The following RAD50 variants were observed in gnomAD, a reference collection of about 807,000 sequenced individuals.
RAD50 encodes RAD50 double strand break repair protein.
RAD50 carries 132 observed loss-of-function variants against 168.8 expected under a neutral mutation model. That is an observed-to-expected ratio of 0.78 (90% confidence interval 0.68 to 0.90). RAD50 has a LOEUF of 0.90. Ranked by LOEUF, RAD50 falls within the 40% of genes least tolerant of loss-of-function variation. The pLI, the probability that RAD50 is intolerant of heterozygous loss-of-function variation, is 0.00. For missense variants in RAD50, 1,347 were observed against 1,534.4 expected (o/e 0.88, Z 2.04); for synonymous variants, 525 against 497.4 (o/e 1.06, Z -0.74).
chr5:132,579,399 G>A lies in RAD50; in HGVS notation c.448G>A (p.Val150Met), dbSNP rs1580987224. Reference sequence around the variant, plus strand: ...CAGTTCTCTTGGGGTTTCCAAGGCTGTGCTAAATAATGTCATTTTCTGTCA... The same window carrying A: ...CAGTTCTCTTGGGGTTTCCAAGGCTATGCTAAATAATGTCATTTTCTGTCA... The part of the protein sequence containing the change: ...MISSLGVSKA[V>M]LNNVIFCHQE... The change falls in exon 4 of 25, where the codon GTG becomes ATG. Residue 150 changes from valine (V) to methionine (M), a missense_variant. By Grantham distance (21) the Val-to-Met change is conservative (BLOSUM62 1). This residue lies in a region of RAD50 where 703 missense variants were observed against 767.7 expected (regional missense o/e 0.92). Transcript: ENST00000378823. The A allele has an allele frequency of 1.9e-6, 3 of 1,613,830 alleles. No individual in the cohort carries two copies. Among genetic ancestry groups the A allele is most frequent in the Non-Finnish European group, 2.5e-6 (3 of 1,179,770 alleles).
chr5:132,575,051 G>T (rs543536251), intron 2 of RAD50, among the ~76,000 whole-genome samples: 1 of 152,164 alleles, frequency 6.6e-6, no homozygotes, highest in Admixed American at 6.5e-5. Context: ...TTCCAAAGTC[G>T]CTTTCACATT....
chr5:132,586,775 G>A (rs1426120152), intron 5 of RAD50, among the ~76,000 whole-genome samples: 1 of 152,034 alleles, frequency 6.6e-6, no homozygotes, highest in African/African-American at 2.4e-5. Context: ...GAGGTGGGAG[G>A]AACACTTGAG....
chr5:132,591,520 G>A (rs1750700036), intron 10 of RAD50, 114 bp downstream of exon 10: 3 of 1,034,426 alleles, frequency 2.9e-6, no homozygotes, highest in Non-Finnish European at 4.4e-6. Flanking sequence ...TATTTTAGAG[G>A]CTAAGTGAGC....
chr5:132,632,715 G>A (rs1447821958), intron 21 of RAD50, among the ~76,000 whole-genome samples: 4 of 152,168 alleles, frequency 2.6e-5, no homozygotes, highest in African/African-American at 9.7e-5. Context: ...TGGAGTTACT[G>A]GCTCAGATGT....
At chr5:132,557,573 C>A in intron 1 of RAD50, 120 bp downstream of exon 1, 1 of 1,421,782 alleles carries the variant, frequency 7.0e-7, no homozygotes, top group Non-Finnish European at 9.8e-7. Context: ...GGTGTAGGCC[C>A]TTAAAGTGCC....
intron 8 of RAD50, among the ~76,000 whole-genome samples, chr5:132,589,085 T>G (rs1041509599): frequency 6.6e-6 from 1 of 152,172 alleles, no homozygotes; most frequent in East Asian, 1.9e-4. Flanking sequence ...TAAACCTACA[T>G]TTTTTATTTG....
At chr5:132,634,343 C>CTT (rs145931809) in intron 21 of RAD50, among the ~76,000 whole-genome samples, 22 of 150,952 alleles carry the variant, frequency 1.5e-4, no homozygotes, top group African/African-American at 5.4e-4. Flanking sequence ...GAATAGGATC[C>CTT]TTTTTTTTTC....
chr5:132,602,766 C>T (rs908407973), intron 13 of RAD50, among the ~76,000 whole-genome samples: 3 of 152,072 alleles, frequency 2.0e-5, no homozygotes, highest in Non-Finnish European at 2.9e-5. Flanking sequence ...GCAGTTTTTC[C>T]ATCAATGCCT....
In RAD50 at chr5:132,609,174, AATTAT is replaced by A. The variant is rs1561647413; in HGVS notation, c.2891_2895del (p.Tyr964SerfsTer8). ...TCATGGCTATATGAAAGACATTGAG[AATTAT>A]ATTCAAGATGGGAAAGACGACTATA... On this transcript the variant is annotated frameshift_variant, in exon 18 of 25. Coordinates refer to ENST00000378823, the MANE Select transcript of RAD50 (RefSeq NM_005732.4). LOFTEE classifies it high-confidence loss of function. 6.2e-7 allele frequency: 1 copy of A among 1,611,818 alleles called. No individual in the cohort carries two copies. The highest frequency in any genetic ancestry group is 8.5e-7 in the Non-Finnish European group (1 of 1,178,894).
Position 132,591,470 on chromosome 5 carries a change from A to G in RAD50, c.1635+64A>G. 2.0e-6 allele frequency: 3 copies of G among 1,473,712 alleles called. No individual in the cohort carries two copies. In the South Asian group the frequency reaches 3.5e-5, roughly 17 times the overall value. The allele number at this position is 1,473,712 out of a possible 1,614,324, so 91.3% of individuals were successfully genotyped here. A position where few individuals can be genotyped will look rare whatever the true frequency, so the allele number is the denominator to read the frequency against. On this transcript the variant is annotated intron_variant, in intron 10 of 24. Coordinates refer to ENST00000378823, the MANE Select transcript of RAD50 (RefSeq NM_005732.4). ...ACTTAAAATAGCCTACCTTGCACTCATAAGTCATAGACTATAAGGTATTAA... is the reference window on the plus strand; with the variant it reads ...ACTTAAAATAGCCTACCTTGCACTCGTAAGTCATAGACTATAAGGTATTAA...
chr5:132,604,068 T>G (rs763635166), intron 15 of RAD50, 22 bp downstream of exon 15: 2 of 1,612,302 alleles, frequency 1.2e-6, no homozygotes, highest in African/African-American at 2.7e-5. Flanking sequence ...TGTGTCCTTC[T>G]GTACTCATAG....
intron 19 of RAD50, among the ~76,000 whole-genome samples, chr5:132,610,143 A>G (rs942983976): frequency 6.6e-6 from 1 of 151,992 alleles, no homozygotes; most frequent in African/African-American, 2.4e-5. Context: ...CAGATGTATC[A>G]CATTCTTTTT....
At chr5:132,564,711 A>G (rs928035956) in intron 2 of RAD50, among the ~76,000 whole-genome samples, 106 of 152,314 alleles carry the variant, frequency 7.0e-4, no homozygotes, top group Middle Eastern at 3.4e-3. Context: ...AATAGCCAAG[A>G]CACTGGGGAA....
intron 13 of RAD50, among the ~76,000 whole-genome samples, chr5:132,596,473 A>G (rs904316442): frequency 1.3e-5 from 2 of 152,374 alleles, no homozygotes; most frequent in Admixed American, 6.5e-5. Flanking sequence ...CTCCCAGAAG[A>G]CAGATTTTAA....
chr5:132,642,837 G>A lies in RAD50; in HGVS notation c.*473G>A, dbSNP rs1751760869. 1 of 363,242 alleles carries A rather than the reference G, an allele frequency of 2.8e-6. No individual in the cohort carries two copies. The highest frequency in any genetic ancestry group is 2.8e-5 in the South Asian group (1 of 35,372). The allele number at this position is 363,242 out of a possible 1,614,324, so 22.5% of individuals were successfully genotyped here. On this transcript the variant is annotated 3_prime_UTR_variant, in exon 25 of 25. Transcript: ENST00000378823. ...GATGACCAGAAATGGTGAGATGTATGTTTGGCTCTGCTTTTAACTTTATAA... is the reference window on the plus strand; with the variant it reads ...GATGACCAGAAATGGTGAGATGTATATTTGGCTCTGCTTTTAACTTTATAA...
At chr5:132,569,303 G>C (rs1284205658) in intron 2 of RAD50, among the ~76,000 whole-genome samples, 3 of 152,032 alleles carry the variant, frequency 2.0e-5, no homozygotes, top group African/African-American at 7.2e-5. Flanking sequence ...GGTACAAATA[G>C]GTTAAAAGCA....
Position 132,556,987 on chromosome 5 carries a change from C to G in RAD50, c.-338C>G, listed in dbSNP as rs763811383. 1.8e-4 allele frequency: 158 copies of G among 885,622 alleles called. No individual in the cohort carries two copies. Among genetic ancestry groups the G allele is most frequent in the Non-Finnish European group, 2.4e-4 (151 of 637,826 alleles). 54.9% of individuals were successfully genotyped at this position (885,622 alleles called of 1,614,324 possible). On this transcript the variant is annotated 5_prime_UTR_variant, in exon 1 of 25. Coordinates refer to ENST00000378823, the MANE Select transcript of RAD50 (RefSeq NM_005732.4). Reference sequence around the variant, plus strand: ...CGGGCCTAGAGGCCCACGTGATCCGCAGGGCGGCCGAGGCAGGAAGCTGTG... The same window carrying G: ...CGGGCCTAGAGGCCCACGTGATCCGGAGGGCGGCCGAGGCAGGAAGCTGTG...
At position 132,646,108 on chromosome 5, in the gene RAD50, A is replaced by G. The variant is rs2149869375; in HGVS notation, c.*3744A>G. ...CTAAAAAGACAAAAAAAAAAAAAAA[A>G]AAAAAGCAGCAGCAGCTGAAAGTTG... On this transcript the variant is annotated 3_prime_UTR_variant, in exon 25 of 25. Transcript: ENST00000378823. 1 of 150,234 alleles carries G rather than the reference A, an allele frequency of 6.7e-6. No individual in the cohort carries two copies. The highest frequency in any genetic ancestry group is 2.1e-4 in the South Asian group (1 of 4,764). 9.3% of individuals were successfully genotyped at this position (150,234 alleles called of 1,614,324 possible). A position where few individuals can be genotyped will look rare whatever the true frequency, so the allele number is the denominator to read the frequency against.
At chr5:132,569,565 A>G (rs968235517) in intron 2 of RAD50, among the ~76,000 whole-genome samples, 1 of 152,248 alleles carries the variant, frequency 6.6e-6, no homozygotes, top group African/African-American at 2.4e-5. Context: ...CTCTCAGTAG[A>G]GAAAAGAAGC....
Sources: gnomAD v4.1 joint callset for allele counts (sites outside exome capture counted in the v4.1 genomes callset) on GRCh38, gnomAD v4.1.1 for gene constraint, gnomAD v4.1.1 regional missense constraint, MANE v1.5 for transcripts, NCBI Gene and HGNC (gene_info 2026-07-23, HGNC 2026-07-21) for gene names.